The following MICAL3 variants were observed in gnomAD, a reference collection of about 807,000 sequenced individuals.
MICAL3 encodes the protein microtubule associated monooxygenase, calponin and LIM domain containing 3.
In MICAL3, 62 loss-of-function variants were observed where a neutral mutation model predicts 207.4. The ratio of observed to expected loss-of-function variants is 0.30; its 90% CI spans 0.24 to 0.37. MICAL3 has a LOEUF of 0.37. Ranked by LOEUF, MICAL3 falls within the 10% of genes least tolerant of loss-of-function variation. The pLI is 1.00. For synonymous variants in MICAL3, 1,077 were observed against 1,069.3 expected (o/e 1.01, Z -0.14); for missense variants, 2,368 against 2,635.6 (o/e 0.90, Z 2.22).
intron 1 of MICAL3, among the ~76,000 whole-genome samples, chr22:17,993,647 C>A (rs1338756136): frequency 6.6e-6 from 1 of 151,986 alleles, no homozygotes; most frequent in Non-Finnish European, 1.5e-5. Context: ...CCCGGGAAGC[C>A]CCCCTGCGCC....
intron 1 of MICAL3, among the ~76,000 whole-genome samples, chr22:17,925,523 T>G (rs1932899485): frequency 6.6e-6 from 1 of 152,142 alleles, no homozygotes; most frequent in Admixed American, 6.5e-5. Flanking sequence ...AAAAAGAAGT[T>G]GATATCTACT....
At chr22:17,978,407 A>G (rs1041515351) in intron 1 of MICAL3, among the ~76,000 whole-genome samples, 4 of 152,080 alleles carry the variant, frequency 2.6e-5, no homozygotes, top group African/African-American at 9.7e-5. Context: ...GGTAACAGTA[A>G]CTCCTATGGG....
At chr22:17,925,750 C>A (rs1932906423) in intron 1 of MICAL3, among the ~76,000 whole-genome samples, 1 of 152,160 alleles carries the variant, frequency 6.6e-6, no homozygotes, top group Non-Finnish European at 1.5e-5. Context: ...CCCGGCACCC[C>A]TCCTTCCACA....
In MICAL3 at chr22:17,822,087, G is replaced by C; in HGVS notation, c.3391C>G (p.Leu1131Val). ...CPAEGEAELE[L>V]RVSEDEEKLP... ...TTCTCCTCATCTTCCGACACCCTCAGCTCCAGCTCTGCTTCCCCCTCAGCT... is the reference window on the plus strand; with the variant it reads ...TTCTCCTCATCTTCCGACACCCTCACCTCCAGCTCTGCTTCCCCCTCAGCT... Residue 1131 changes from leucine to valine, a missense_variant, in exon 24 of 32, where the codon CTG (leucine) becomes GTG (valine). Transcript: ENST00000441493. The C allele has an allele frequency of 6.2e-7, 1 of 1,613,930 alleles. No individual in the cohort carries two copies. Among genetic ancestry groups the C allele is most frequent in the Non-Finnish European group, 8.5e-7 (1 of 1,179,886 alleles).
chr22:17,906,721 G>A lies in MICAL3; in HGVS notation c.92C>T (p.Ala31Val), dbSNP rs1372200123. Residue 31 changes from alanine (A) to valine (V), a missense_variant, in exon 2 of 32, where the codon GCT becomes GTT. By Grantham distance (64) the Ala-to-Val change is moderately conservative. Coordinates refer to ENST00000441493, the MANE Select transcript of MICAL3 (RefSeq NM_015241.3). Reference sequence around the variant, plus strand: ...CAGGTGGTCACAGAGCTCCTGGAAAGCCTTGAGGGTTCCCTTGCAGGTGGT... The same window carrying A: ...CAGGTGGTCACAGAGCTCCTGGAAAACCTTGAGGGTTCCCTTGCAGGTGGT... ...QATTCKGTLK[A>V]FQELCDHLEL... 6.2e-6 allele frequency: 10 copies of A among 1,613,978 alleles called. No homozygotes were observed. The East Asian group carries it at 6.7e-5, about 11-fold the overall frequency.
At chr22:17,927,318 C>T (rs1223992915) in intron 1 of MICAL3, among the ~76,000 whole-genome samples, 2 of 152,176 alleles carry the variant, frequency 1.3e-5, no homozygotes, top group Non-Finnish European at 2.9e-5. Context: ...CATTTAGTTT[C>T]TCCATTCACC....
At chr22:17,926,085 T>C (rs780442734) in intron 1 of MICAL3, among the ~76,000 whole-genome samples, 1 of 152,236 alleles carries the variant, frequency 6.6e-6, no homozygotes, top group African/African-American at 2.4e-5. Flanking sequence ...TTGACCTTGA[T>C]GCTGGTCAAA....
rs58418733 is a variant in MICAL3 at position 17,819,942 on chromosome 22, CAAAAAAAAA to C, written c.3532-822_3532-814del. 1.2e-3 allele frequency among the ~76,000 whole-genome samples: 82 copies of C among 67,658 alleles called. 1 individual carries two copies. The highest frequency in any genetic ancestry group is 4.2e-3 in the African/African-American group (74 of 17,586). 44.4% of individuals were successfully genotyped at this position (67,658 alleles called of 152,430 possible). A position where few individuals can be genotyped will look rare whatever the true frequency, so the allele number is the denominator to read the frequency against. ...TGGGTGACAGTGAGAGACTCCATCT[CAAAAAAAAA>C]AAAAAAAAAAAAAAAAAAATCCAAT... On this transcript the variant is annotated intron_variant, in intron 25 of 31. Coordinates refer to ENST00000441493, the MANE Select transcript of MICAL3 (RefSeq NM_015241.3).
At chr22:17,935,899 T>C (rs1485089856) in intron 1 of MICAL3, among the ~76,000 whole-genome samples, 1 of 152,210 alleles carries the variant, frequency 6.6e-6, no homozygotes, top group Non-Finnish European at 1.5e-5. Context: ...CCAGTTAGAA[T>C]GGCAATCATT....
intron 16 of MICAL3, among the ~76,000 whole-genome samples, chr22:17,881,474 G>A (rs1032314570): frequency 1.3e-5 from 2 of 152,208 alleles, no homozygotes; most frequent in African/African-American, 4.8e-5. Context: ...CCCCAGGTGG[G>A]ACGTGCACCT....
rs1044201647 is a variant in MICAL3, at chr22:17,818,928, G to A, written c.3733C>T (p.Gln1245Ter). 1.9e-6 allele frequency: 3 copies of A among 1,579,438 alleles called. No individual in the cohort carries two copies. The highest frequency in any genetic ancestry group is 2.6e-6 in the Non-Finnish European group (3 of 1,163,590). ...GGCGTGGAGGCCGCCACGGGTGGCT[G>A]GGGCTGCGGGCTCCCTGGTGAGACA... ...TPVSPGSPQPQPPVAASTPPP... is the reference protein window; with the variant it reads ...TPVSPGSPQP Residue 1245 changes from glutamine to a stop codon, truncating the protein, a stop_gained, in exon 26 of 32, where the codon CAG becomes TAG. Coordinates refer to ENST00000441493, the MANE Select transcript of MICAL3 (RefSeq NM_015241.3). LOFTEE classifies it high-confidence loss of function.
At chr22:17,980,740 T>C (rs893505932) in intron 1 of MICAL3, 2 of 446,164 alleles carry the variant, frequency 4.5e-6, no homozygotes, top group South Asian at 3.3e-5. Flanking sequence ...AGTGCCACAG[T>C]TTCCGTCTTA....
At chr22:17,799,971 C>T (rs1293373006) in intron 29 of MICAL3, among the ~76,000 whole-genome samples, 1 of 151,970 alleles carries the variant, frequency 6.6e-6, no homozygotes, top group Non-Finnish European at 1.5e-5. Context: ...CACACACACA[C>T]ACACACACAC....
chr22:17,917,870 G>A (rs1932635540), intron 1 of MICAL3, among the ~76,000 whole-genome samples: 1 of 152,230 alleles, frequency 6.6e-6, no homozygotes, highest in Admixed American at 6.5e-5. Flanking sequence ...TGGACACTGT[G>A]TACAAAGCAT....
chr22:17,976,777 C>T (rs1278532051), intron 1 of MICAL3, among the ~76,000 whole-genome samples: 1 of 147,658 alleles, frequency 6.8e-6, no homozygotes, highest in Non-Finnish European at 1.5e-5. Flanking sequence ...GGTTATGGGA[C>T]TGTTACAGAC....
intron 1 of MICAL3, among the ~76,000 whole-genome samples, chr22:18,022,502 C>T (rs1924549868): frequency 6.6e-6 from 1 of 151,758 alleles, no homozygotes; most frequent in Admixed American, 6.6e-5. Flanking sequence ...GATCTTGGCT[C>T]ACTGCAACCT....
At chr22:17,827,845 G>C in intron 21 of MICAL3, 64 bp from the exon 22 acceptor site, 1 of 1,486,552 alleles carries the variant, frequency 6.7e-7, no homozygotes, top group Non-Finnish European at 9.0e-7. Flanking sequence ...AATAGCATGG[G>C]AAAGGAAACA....
chr22:17,966,773 T>C (rs948576818), intron 1 of MICAL3, among the ~76,000 whole-genome samples: 1 of 152,240 alleles, frequency 6.6e-6, no homozygotes, highest in Non-Finnish European at 1.5e-5. Flanking sequence ...GAGTAATTAT[T>C]TCAATGATTA....
intron 21 of MICAL3, among the ~76,000 whole-genome samples, chr22:17,830,295 T>TA (rs1215167144): frequency 1.3e-5 from 2 of 152,136 alleles, no homozygotes; most frequent in African/African-American, 4.8e-5. Flanking sequence ...ACACCTGCGC[T>TA]AGGGACACAG....
Sources: allele counts gnomAD v4.1 joint callset (sites outside exome capture counted in the v4.1 genomes callset), GRCh38; gene constraint gnomAD v4.1.1; transcripts MANE v1.5; gene names NCBI Gene and HGNC (gene_info 2026-07-23, HGNC 2026-07-21).